Variants in STOX2 observed in about 807,000 individuals in gnomAD.
STOX2 encodes the protein storkhead box 2, also known as storkhead-box protein 2.
A neutral mutation model predicts 60.9 loss-of-function variants in STOX2; 28 were observed. That is an observed-to-expected ratio of 0.46 (90% confidence interval 0.34 to 0.63). The LOEUF (loss-of-function observed/expected upper bound fraction) is 0.63. Among genes scored for constraint, STOX2 ranks in the 30% least tolerant of loss-of-function variants. The pLI, the probability that STOX2 is intolerant of heterozygous loss-of-function variation, is 0.01. For synonymous variants in STOX2, 472 were observed against 463.9 expected (o/e 1.02, Z -0.22); for missense variants, 1,024 against 1,187.7 (o/e 0.86, Z 2.03).
intron 1 of STOX2, among the ~76,000 whole-genome samples, chr4:183,818,242 G>A (rs953996498): frequency 1.3e-5 from 2 of 151,908 alleles, no homozygotes; most frequent in Non-Finnish European, 2.9e-5. Context: ...AGGACCCTGC[G>A]GCCTTCCTCA....
At chr4:183,994,656 A>G (rs1251048200) in intron 1 of STOX2, among the ~76,000 whole-genome samples, 2 of 152,236 alleles carry the variant, frequency 1.3e-5, no homozygotes, top group African/African-American at 2.4e-5. Context: ...CATTTTACAG[A>G]TGAGGAAACG....
At chr4:183,884,861 A>G (rs34059433) in intron 1 of STOX2, among the ~76,000 whole-genome samples, 75,616 of 152,100 alleles carry the variant, frequency 0.5, 19,698 homozygotes, top group East Asian at 0.6. Context: ...GTGAGAATCC[A>G]GAAGCAGGAT....
chr4:183,857,167 G>A (rs1319105923), intron 1 of STOX2, among the ~76,000 whole-genome samples: 3 of 152,084 alleles, frequency 2.0e-5, no homozygotes, highest in Non-Finnish European at 4.4e-5. Context: ...TTATCCTGCA[G>A]GTCTGGTCAT....
In STOX2 at chr4:184,018,192, A is replaced by G. The variant is rs532659003; in HGVS notation, c.*908A>G. ...CTTAGGATGACCCTATCTTACTCTA[A>G]TAGATACAATAATTAGTTTGTTTAA... On this transcript the variant is annotated 3_prime_UTR_variant, in exon 4 of 4. Transcript: ENST00000308497. 14 of 152,216 alleles carry G rather than the reference A, an allele frequency of 9.2e-5. No homozygotes were observed. Among genetic ancestry groups the G allele is most frequent in the Non-Finnish European group, 1.8e-4 (12 of 68,034 alleles). 9.4% of individuals were successfully genotyped at this position (152,216 alleles called of 1,614,324 possible). A position where few individuals can be genotyped will look rare whatever the true frequency, so the allele number is the denominator to read the frequency against.
In STOX2 at chr4:184,021,143, CCAA is replaced by C. The variant is rs777563773; in HGVS notation, c.*3867_*3869del. Reference sequence around the variant, plus strand: ...CAGTATTTGGAGCTTCATTTAAAAACCAACAACAACCGATAATGACTTTGCACG... The same window carrying C: ...CAGTATTTGGAGCTTCATTTAAAAACCAACAACCGATAATGACTTTGCACG... On this transcript the variant is annotated 3_prime_UTR_variant, in exon 4 of 4. Transcript: ENST00000308497. The C allele has an allele frequency of 2.0e-5, 3 of 152,188 alleles. No homozygotes were observed. The highest frequency in any genetic ancestry group is 2.4e-5 in the African/African-American group (1 of 41,458). The allele number at this position is 152,188 out of a possible 1,614,324, so 9.4% of individuals were successfully genotyped here. A position where few individuals can be genotyped will look rare whatever the true frequency, so the allele number is the denominator to read the frequency against.
At chr4:183,837,616 G>A (rs1003488794) in intron 1 of STOX2, among the ~76,000 whole-genome samples, 1 of 151,660 alleles carries the variant, frequency 6.6e-6, no homozygotes, top group African/African-American at 2.4e-5. Context: ...GCACCACCAC[G>A]CCTGGCTAAT....
chr4:183,951,444 CTTT>C (rs1163579369), intron 1 of STOX2, among the ~76,000 whole-genome samples: 82 of 66,502 alleles, frequency 1.2e-3, no homozygotes, highest in Non-Finnish European at 1.2e-3. Flanking sequence ...CTCTCTCTCT[CTTT>C]TTTTTTTTTT....
intron 1 of STOX2, among the ~76,000 whole-genome samples, chr4:183,970,660 A>T (rs138420685): frequency 6.6e-6 from 1 of 152,228 alleles, no homozygotes; most frequent in African/African-American, 2.4e-5. Context: ...CTTTGGGCTG[A>T]GCCACCTTCT....
In STOX2 at chr4:183,950,669, C is replaced by T. The variant is rs368573780; in HGVS notation, c.166+43713C>T. On this transcript the variant is annotated intron_variant, in intron 1 of 3. Coordinates refer to ENST00000308497, the MANE Select transcript of STOX2 (RefSeq NM_020225.3). ...AGCAGGATGGTTGGGCATGCAATAG[C>T]GCATGAGGCCGGGGAGCCACAGAAC... Among the ~76,000 whole-genome samples the T allele has an allele frequency of 2.6e-3, 60 of 23,454 alleles. 2 individuals are homozygous for T. The South Asian group carries it at 0.11, about 44-fold the overall frequency. The allele number at this position is 23,454 out of a possible 152,430, so 15.4% of individuals were successfully genotyped here. A position where few individuals can be genotyped will look rare whatever the true frequency, so the allele number is the denominator to read the frequency against.
At chr4:183,802,419 G>C (rs147899280) in intron 1 of STOX2, among the ~76,000 whole-genome samples, 15 of 152,162 alleles carry the variant, frequency 9.9e-5, no homozygotes, top group African/African-American at 3.1e-4. Context: ...CTGTTGCCCA[G>C]GCTGGAGTGC....
chr4:183,993,896 G>T (rs562532432), intron 1 of STOX2, among the ~76,000 whole-genome samples: 1 of 152,212 alleles, frequency 6.6e-6, no homozygotes, highest in Non-Finnish European at 1.5e-5. Flanking sequence ...CACCAGATGG[G>T]TGCTGTGGTC....
intron 1 of STOX2, among the ~76,000 whole-genome samples, chr4:183,938,542 G>T (rs1454826270): frequency 6.6e-6 from 1 of 151,960 alleles, no homozygotes; most frequent in African/African-American, 2.4e-5. Flanking sequence ...GGTGGTGCAC[G>T]CCTGTAATCC....
chr4:183,838,008 A>G (rs370901851), intron 1 of STOX2, among the ~76,000 whole-genome samples: 2 of 152,220 alleles, frequency 1.3e-5, no homozygotes, highest in East Asian at 3.9e-4. Flanking sequence ...TTCATTGTGG[A>G]TTAGTTAGAA....
At chr4:183,903,809 C>T (rs184413570), upstream of STOX2, among the ~76,000 whole-genome samples, 230 of 152,276 alleles carry the variant, frequency 1.5e-3, no homozygotes, top group Non-Finnish European at 2.4e-3. Context: ...ACACTGGGGA[C>T]CAGTTTCGTG....
chr4:183,892,325 C>CTGGA lies in STOX2; in HGVS notation c.364+94271_364+94274dup, dbSNP rs1331641159. ...ACGGAGTCTCGCTCTGTCGCCCAGG[C>CTGGA]TGGAGTGCAGTGGCGCGATCTCGGC... On this transcript the variant is annotated intron_variant, in intron 1 of 2. Transcript: ENST00000513034. Among the ~76,000 whole-genome samples the CTGGA allele has an allele frequency of 2.6e-5, 4 of 152,334 alleles. No individual in the cohort carries two copies. The East Asian group carries it at 7.7e-4, about 29-fold the overall frequency.
In STOX2 at chr4:183,994,124, C is replaced by A. The variant is rs150514689; in HGVS notation, c.167-7201C>A. Among the ~76,000 whole-genome samples the A allele has an allele frequency of 2.5e-4, 38 of 152,294 alleles. No individual in the cohort carries two copies. In the East Asian group the frequency reaches 6.9e-3, roughly 28 times the overall value. Reference sequence around the variant, plus strand: ...AACCCCAGAAAGCGGGTGATTTCCCCAAGCCCAAGGGCATTTAAGATAAAA... The same window carrying A: ...AACCCCAGAAAGCGGGTGATTTCCCAAAGCCCAAGGGCATTTAAGATAAAA... On this transcript the variant is annotated intron_variant, in intron 1 of 3. Coordinates refer to ENST00000308497, the MANE Select transcript of STOX2 (RefSeq NM_020225.3).
Position 183,807,183 on chromosome 4 carries a change from A to G in STOX2, c.364+9128A>G, listed in dbSNP as rs137866202. ...GAGACGGGGTTTCACCGCGTTAGCC[A>G]TGATGGTCTCGATCTCCTGACCTCG... On this transcript the variant is annotated intron_variant, in intron 1 of 2. Transcript: ENST00000513034. 9.9e-3 allele frequency among the ~76,000 whole-genome samples: 1,503 copies of G among 152,204 alleles called. 32 individuals carry two copies. Among genetic ancestry groups the G allele is most frequent in the African/African-American group, 0.034 (1,422 of 41,518 alleles).
intron 1 of STOX2, among the ~76,000 whole-genome samples, chr4:183,843,939 T>C (rs1579326399): frequency 6.6e-6 from 1 of 152,350 alleles, no homozygotes; most frequent in African/African-American, 2.4e-5. Flanking sequence ...TCATAGTTTA[T>C]GTAGTGTAGG....
At chr4:183,923,894 G>A (rs1166635123) in intron 1 of STOX2, among the ~76,000 whole-genome samples, 1 of 152,156 alleles carries the variant, frequency 6.6e-6, no homozygotes, top group Non-Finnish European at 1.5e-5. Context: ...CCCTCCGGAA[G>A]GTAGGAACAC....
Sources: allele counts gnomAD v4.1 joint callset (sites outside exome capture counted in the v4.1 genomes callset), GRCh38; gene constraint gnomAD v4.1.1; transcripts MANE v1.5; gene names NCBI Gene and HGNC (gene_info 2026-07-23, HGNC 2026-07-21).